Variants in ACTR3C observed in about 807,000 individuals in gnomAD.
The protein encoded by ACTR3C is actin-related protein 3C.
A neutral mutation model predicts 26.3 loss-of-function variants in ACTR3C; 18 were observed. The observed-to-expected ratio is 0.68, with a 90% CI of 0.47 to 1.01. ACTR3C has a LOEUF of 1.01. Among genes scored for constraint, ACTR3C ranks in the 50% least tolerant of loss-of-function variants. The probability of loss-of-function intolerance (pLI) is 0.00; values close to 1 mark genes in which losing one functional copy is unlikely to be tolerated. For synonymous variants in ACTR3C, 55 were observed against 94.5 expected, an observed-to-expected ratio of 0.58 and a Z score of 2.42; for missense variants, 184 against 250.7, an observed-to-expected ratio of 0.73 and a Z score of 1.80.
At chr7:150,279,261 C>T (rs1215948500) in intron 6 of ACTR3C, among the ~76,000 whole-genome samples, 1 of 152,218 alleles carries the variant, frequency 6.6e-6, no homozygotes, top group African/African-American at 2.4e-5. Context: ...GCTGTGATCA[C>T]ACCACTGCAC....
At chr7:150,321,877 G>C (rs757677410) in intron 1 of ACTR3C, among the ~76,000 whole-genome samples, 1 of 152,218 alleles carries the variant, frequency 6.6e-6, no homozygotes, top group African/African-American at 2.4e-5. Context: ...GCAGGAGAAG[G>C]GTCATCTGAA....
the ACTR3C span, among the ~76,000 whole-genome samples, chr7:150,006,493 G>A: frequency 2.0e-5 from 3 of 149,470 alleles, no homozygotes; most frequent in Non-Finnish European, 4.4e-5. Context: ...CACCGCAAAC[G>A]GCCCAGAATT....
chr7:150,195,664 A>G, the ACTR3C span, among the ~76,000 whole-genome samples: 1 of 152,340 alleles, frequency 6.6e-6, no homozygotes, highest in African/African-American at 2.4e-5. Context: ...GGATCACTTC[A>G]GCTCAGGAGT....
the ACTR3C span, among the ~76,000 whole-genome samples, chr7:149,993,375 A>G: frequency 2.6e-5 from 4 of 152,340 alleles, no homozygotes; most frequent in South Asian, 8.3e-4. Flanking sequence ...TAATTTGCAC[A>G]CTTATAATTT....
the ACTR3C span, among the ~76,000 whole-genome samples, chr7:150,031,342 T>A: frequency 6.7e-6 from 1 of 150,196 alleles, no homozygotes; most frequent in African/African-American, 2.5e-5. Flanking sequence ...AGTGTGAAGG[T>A]GAGGCTTAGA....
the ACTR3C span, among the ~76,000 whole-genome samples, chr7:149,968,174 G>C: frequency 1.3e-5 from 2 of 152,262 alleles, no homozygotes; most frequent in Non-Finnish European, 2.9e-5. Context: ...TGCCTTTGGA[G>C]CAGTGTCCCA....
At chr7:149,929,166 G>A in the ACTR3C span, among the ~76,000 whole-genome samples, 1 of 152,114 alleles carries the variant, frequency 6.6e-6, no homozygotes, top group African/African-American at 2.4e-5. Context: ...AGTGGCTCAC[G>A]CCTGTAATCA....
the ACTR3C span, chr7:149,892,312 C>T: frequency 2.5e-6 from 4 of 1,598,658 alleles, no homozygotes; most frequent in South Asian, 2.2e-5. Context: ...GCTTCATCTC[C>T]TATGAAAAAG....
the ACTR3C span, among the ~76,000 whole-genome samples, chr7:149,889,146 CATACTT>C: frequency 6.6e-6 from 1 of 152,272 alleles, no homozygotes; most frequent in South Asian, 2.1e-4. Context: ...ATAAAGAACT[CATACTT>C]AAACAACATG....
At chr7:150,140,039 C>T in the ACTR3C span, among the ~76,000 whole-genome samples, 1 of 150,264 alleles carries the variant, frequency 6.7e-6, no homozygotes, top group Non-Finnish European at 1.5e-5. Flanking sequence ...CACACATACA[C>T]ACTCGCACAC....
chr7:149,961,669 G>T, the ACTR3C span, among the ~76,000 whole-genome samples: 1 of 151,818 alleles, frequency 6.6e-6, no homozygotes, highest in South Asian at 2.1e-4. Flanking sequence ...TGGGCTCATA[G>T]AAGTATAAAT....
At chr7:150,154,953 A>C in the ACTR3C span, among the ~76,000 whole-genome samples, 1 of 152,198 alleles carries the variant, frequency 6.6e-6, no homozygotes, top group Admixed American at 6.5e-5. Context: ...ATCATGTTTT[A>C]AGGATCCTGT....
the ACTR3C span, among the ~76,000 whole-genome samples, chr7:149,979,239 C>G: frequency 1.3e-5 from 2 of 152,216 alleles, no homozygotes; most frequent in African/African-American, 4.8e-5. Flanking sequence ...TTGTGGCGAG[C>G]TGGCAGGTTC....
intron 6 of ACTR3C, among the ~76,000 whole-genome samples, chr7:150,281,568 G>A (rs1835346303): frequency 6.6e-6 from 1 of 151,386 alleles, no homozygotes; most frequent in African/African-American, 2.4e-5. Context: ...CCCTAGAGTA[G>A]TGTGTGACTC....
chr7:149,913,885 CCTTT>C, the ACTR3C span, among the ~76,000 whole-genome samples: 6 of 74,650 alleles, frequency 8.0e-5, no homozygotes, highest in Admixed American at 1.5e-4. Flanking sequence ...CTCATATGTC[CCTTT>C]TTTTTTTTTT....
At chr7:150,007,283 G>T in the ACTR3C span, among the ~76,000 whole-genome samples, 1 of 152,184 alleles carries the variant, frequency 6.6e-6, no homozygotes, top group African/African-American at 2.4e-5. Flanking sequence ...ATCTTCACAG[G>T]CATAGAAATG....
At chr7:150,313,950 T>A (rs953494961) in intron 1 of ACTR3C, among the ~76,000 whole-genome samples, 3 of 152,112 alleles carry the variant, frequency 2.0e-5, no homozygotes, top group Non-Finnish European at 4.4e-5. Context: ...CCTGGGTAAG[T>A]GTTAGTGGCA....
At chr7:150,141,187 T>A in the ACTR3C span, among the ~76,000 whole-genome samples, 1,169 of 152,362 alleles carry the variant, frequency 7.7e-3, 12 homozygotes, top group African/African-American at 0.027. Flanking sequence ...AAGCAGCAAG[T>A]GCTGATGGAG....
At chr7:150,011,032 T>C in the ACTR3C span, among the ~76,000 whole-genome samples, 2 of 147,296 alleles carry the variant, frequency 1.4e-5, no homozygotes, top group African/African-American at 5.0e-5. Context: ...CCTCCTTCTT[T>C]AGTTACAGTG....
Sources: allele counts gnomAD v4.1 joint callset (sites outside exome capture counted in the v4.1 genomes callset), GRCh38; gene constraint gnomAD v4.1.1; transcripts MANE v1.5; gene names NCBI Gene and HGNC (gene_info 2026-07-23, HGNC 2026-07-21).